Variants in ASAP1 observed in about 807,000 individuals in gnomAD.
ASAP1 encodes the protein ArfGAP with SH3 domain, ankyrin repeat and PH domain 1.
Under a neutral mutation model 145.2 loss-of-function variants are expected in ASAP1, and 43 were observed. The observed-to-expected ratio is 0.30, with a 90% confidence interval of 0.23 to 0.38. The LOEUF (loss-of-function observed/expected upper bound fraction) is 0.38, where lower values mean the gene tolerates loss of function less well. Among genes scored for constraint, ASAP1 ranks in the 10% least tolerant of loss-of-function variants. The pLI, the probability that ASAP1 is intolerant of heterozygous loss-of-function variation, is 1.00. For synonymous variants in ASAP1, 546 were observed against 515.5 expected, an observed-to-expected ratio of 1.06 and a Z score of -0.80; for missense variants, 1,018 against 1,355.3, an observed-to-expected ratio of 0.75 and a Z score of 3.91.
intron 3 of ASAP1, among the ~76,000 whole-genome samples, chr8:130,328,611 CTTT>C (rs35169399): frequency 2.2e-5 from 3 of 137,482 alleles, no homozygotes; most frequent in African/African-American, 5.4e-5. Flanking sequence ...CTCAGTAGTT[CTTT>C]TTTTTTTTTT....
rs61436058 is a variant in ASAP1 at position 130,298,053 on chromosome 8, C to G, written c.186+59964G>C. On this transcript the variant is annotated intron_variant, in intron 3 of 29. Transcript: ENST00000518721. ...TCTTTGAATCCCCATGTCTTCATTG[C>G]TAAACATGGGTGTTGGATGGGATAA... Among the ~76,000 whole-genome samples the G allele has an allele frequency of 9.9e-5, 15 of 152,276 alleles. No individual in the cohort carries two copies. The East Asian group carries it at 2.7e-3, about 27-fold the overall frequency.
intron 3 of ASAP1, among the ~76,000 whole-genome samples, chr8:130,326,691 C>T (rs1824355860): frequency 6.6e-6 from 1 of 152,186 alleles, no homozygotes; most frequent in Non-Finnish European, 1.5e-5. Context: ...TTCAAGGGTT[C>T]TACACTTTGA....
At chr8:130,428,664 CCCA>C (rs750886332) in intron 1 of ASAP1, among the ~76,000 whole-genome samples, 14 of 148,566 alleles carry the variant, frequency 9.4e-5, no homozygotes, top group African/African-American at 3.5e-4. Context: ...TCACCATCCC[CCCA>C]CCATCATCAT....
intron 1 of ASAP1, among the ~76,000 whole-genome samples, chr8:130,406,674 G>T (rs1463139876): frequency 6.6e-6 from 1 of 151,796 alleles, no homozygotes; most frequent in Non-Finnish European, 1.5e-5. Flanking sequence ...GTAGTGATGG[G>T]GTTTCATCAT....
At chr8:130,173,810 C>T (rs929949667) in intron 9 of ASAP1, among the ~76,000 whole-genome samples, 4 of 150,058 alleles carry the variant, frequency 2.7e-5, no homozygotes, top group African/African-American at 2.5e-5. Flanking sequence ...TGGTGGCTCA[C>T]GCCTGTAATC....
At chr8:130,313,331 G>T (rs780569104) in intron 3 of ASAP1, among the ~76,000 whole-genome samples, 2 of 151,610 alleles carry the variant, frequency 1.3e-5, no homozygotes, top group Non-Finnish European at 2.9e-5. Flanking sequence ...CTTTTAAAAG[G>T]TCCACTTCTT....
intron 2 of ASAP1, among the ~76,000 whole-genome samples, chr8:130,396,556 C>A (rs1342914672): frequency 1.3e-5 from 2 of 152,236 alleles, no homozygotes; most frequent in African/African-American, 4.8e-5. Context: ...AACTTGAATA[C>A]TGTTTTTCTA....
intron 2 of ASAP1, among the ~76,000 whole-genome samples, chr8:130,392,831 C>T (rs1455252255): frequency 6.6e-6 from 1 of 152,082 alleles, no homozygotes; most frequent in Non-Finnish European, 1.5e-5. Context: ...TTTAAACAAA[C>T]AGTTGTCACG....
chr8:130,215,427 G>A (rs1403949193), intron 4 of ASAP1, among the ~76,000 whole-genome samples: 2 of 151,772 alleles, frequency 1.3e-5, no homozygotes, highest in African/African-American at 4.8e-5. Flanking sequence ...GCGAGACCCC[G>A]TCTCTACAAA....
intron 1 of ASAP1, among the ~76,000 whole-genome samples, chr8:130,414,038 T>C (rs991448084): frequency 6.6e-6 from 1 of 152,144 alleles, no homozygotes; most frequent in Non-Finnish European, 1.5e-5. Flanking sequence ...GAAGTTGCTA[T>C]AAAGTAGAGA....
chr8:130,392,555 G>C (rs1013445004), intron 2 of ASAP1, among the ~76,000 whole-genome samples: 1 of 152,220 alleles, frequency 6.6e-6, no homozygotes, highest in African/African-American at 2.4e-5. Context: ...TATGTATGAG[G>C]AAAGTACTGT....
chr8:130,244,780 A>G (rs1283249205), intron 3 of ASAP1, among the ~76,000 whole-genome samples: 2 of 152,162 alleles, frequency 1.3e-5, no homozygotes, highest in Non-Finnish European at 2.9e-5. Flanking sequence ...CCTGTGGGCC[A>G]GGTGCTGTCC....
intron 3 of ASAP1, among the ~76,000 whole-genome samples, 172 bp downstream of exon 3, chr8:130,357,842 CGAG>C (rs952723310): frequency 6.6e-6 from 1 of 152,220 alleles, no homozygotes; most frequent in African/African-American, 2.4e-5. Flanking sequence ...CCAGAAAGGG[CGAG>C]GAGATGGGGA....
At chr8:130,391,883 C>T (rs775260490) in intron 2 of ASAP1, among the ~76,000 whole-genome samples, 26 of 152,244 alleles carry the variant, frequency 1.7e-4, no homozygotes, top group Admixed American at 6.5e-4. Flanking sequence ...ACATGGTCCC[C>T]TACCAGGCTG....
chr8:130,337,356 C>T (rs1313874403), intron 3 of ASAP1, among the ~76,000 whole-genome samples: 3 of 152,142 alleles, frequency 2.0e-5, no homozygotes, highest in Non-Finnish European at 2.9e-5. Context: ...ATTTCCTGTA[C>T]CACCAACCAC....
chr8:130,356,858 T>C (rs1163618164), intron 3 of ASAP1, among the ~76,000 whole-genome samples: 1 of 152,138 alleles, frequency 6.6e-6, no homozygotes, highest in African/African-American at 2.4e-5. Context: ...AGCTTCCCCA[T>C]ATTACAGAGG....
intron 2 of ASAP1, among the ~76,000 whole-genome samples, chr8:130,362,192 A>G (rs1826749301): frequency 6.6e-6 from 1 of 152,102 alleles, no homozygotes; most frequent in African/African-American, 2.4e-5. Flanking sequence ...TCTTATAACC[A>G]AGGGGGGATG....
intron 27 of ASAP1, among the ~76,000 whole-genome samples, chr8:130,066,682 A>G (rs1183974083): frequency 6.6e-6 from 1 of 151,788 alleles, no homozygotes; most frequent in East Asian, 1.9e-4. Flanking sequence ...ATACCTACCA[A>G]CTACACTGCA....
Position 130,057,970 on chromosome 8 carries a change from T to C in ASAP1, c.3299A>G (p.Glu1100Gly). 1 of 1,614,266 alleles carries C rather than the reference T, an allele frequency of 6.2e-7. No homozygotes were observed. Among genetic ancestry groups the C allele is most frequent in the Non-Finnish European group, 8.5e-7 (1 of 1,180,046 alleles). ...EGEVIIVTGE[E>G]DQEWWIGHIE... Reference sequence around the variant, plus strand: ...CGTACGTACCCACCACTCCTGGTCCTCTTCCCCTGTGACGATAATCACTTC... The same window carrying C: ...CGTACGTACCCACCACTCCTGGTCCCCTTCCCCTGTGACGATAATCACTTC... Residue 1100 changes from glutamate to glycine, a missense_variant, in exon 29 of 30, where the codon GAG becomes GGG. This residue lies in a region of ASAP1 where 62 missense variants were observed against 97.8 expected (regional missense o/e 0.63). Coordinates refer to ENST00000518721, the MANE Select transcript of ASAP1 (RefSeq NM_018482.4).
Sources: gnomAD v4.1 joint callset for allele counts (sites outside exome capture counted in the v4.1 genomes callset) on GRCh38, gnomAD v4.1.1 for gene constraint, gnomAD v4.1.1 regional missense constraint, MANE v1.5 for transcripts, NCBI Gene and HGNC (gene_info 2026-07-23, HGNC 2026-07-21) for gene names.